Variants in MNAT1 observed in about 807,000 individuals in gnomAD.
The protein encoded by MNAT1 is CDK-activating kinase assembly factor MAT1.
A neutral mutation model predicts 42.0 loss-of-function variants in MNAT1; 43 were observed. The observed-to-expected ratio is 1.02, with a 90% CI of 0.80 to 1.32. The LOEUF (loss-of-function observed/expected upper bound fraction) is 1.32, where lower values mean the gene tolerates loss of function less well. Among genes scored for constraint, MNAT1 ranks in the 40% most tolerant of loss-of-function variants. The pLI is 0.00. For missense variants in MNAT1, 306 were observed against 350.4 expected (o/e 0.87, Z 1.01); for synonymous variants, 118 against 120.0 (o/e 0.98, Z 0.11).
intron 7 of MNAT1, among the ~76,000 whole-genome samples, chr14:60,947,624 A>G (rs2036306431): frequency 6.6e-6 from 1 of 152,210 alleles, no homozygotes; most frequent in African/African-American, 2.4e-5. Flanking sequence ...CAGAGGTTGC[A>G]GTAAGTCCAG....
intron 1 of MNAT1, chr14:60,780,178 T>C: frequency 2.6e-6 from 4 of 1,516,452 alleles, no homozygotes; most frequent in Non-Finnish European, 3.7e-6. Flanking sequence ...ACCTAAATAA[T>C]GTGGTGGAAC....
chr14:60,968,432 G>C lies in MNAT1; in HGVS notation c.*83G>C, dbSNP rs78104565. ...ACTTATAAAATTATAGCTATGTGCA[G>C]CTGCACAACACAGTCCTTCCACTAG... On this transcript the variant is annotated 3_prime_UTR_variant, in exon 8 of 8. Transcript: ENST00000261245. The C allele has an allele frequency of 5.7e-4, 885 of 1,549,836 alleles. 5 individuals are homozygous for C. The African/African-American group carries it at 0.011, about 19-fold the overall frequency.
chr14:60,959,918 A>AT (rs2036556431), intron 7 of MNAT1, among the ~76,000 whole-genome samples: 1 of 101,822 alleles, frequency 9.8e-6, no homozygotes, highest in East Asian at 3.5e-4. Flanking sequence ...CTTGGTTTTT[A>AT]TGTTTTTTTT....
At chr14:60,913,737 A>AC (rs1386650039) in intron 7 of MNAT1, among the ~76,000 whole-genome samples, 1 of 152,036 alleles carries the variant, frequency 6.6e-6, no homozygotes, top group African/African-American at 2.4e-5. Context: ...GTCTGCCCCT[A>AC]CTGGGGGGTA....
At chr14:60,943,993 C>G (rs925697793) in intron 7 of MNAT1, among the ~76,000 whole-genome samples, 6 of 152,196 alleles carry the variant, frequency 3.9e-5, no homozygotes, top group Non-Finnish European at 7.3e-5. Flanking sequence ...AGGTTTCTAA[C>G]TAGAACTGCA....
intron 1 of MNAT1, among the ~76,000 whole-genome samples, chr14:60,764,401 T>G (rs2030728953): frequency 6.6e-6 from 1 of 152,234 alleles, no homozygotes; most frequent in African/African-American, 2.4e-5. Flanking sequence ...TACCAGTGAC[T>G]GTTTTTGTCT....
chr14:60,930,206 T>TTATTA lies in MNAT1; in HGVS notation c.810-38022_810-38021insATTAT, dbSNP rs1555336831. On this transcript the variant is annotated intron_variant, in intron 7 of 7. Coordinates refer to ENST00000261245, the MANE Select transcript of MNAT1 (RefSeq NM_002431.4). ...TATTACTAAAGATTCTTCTTCCGTC[T>TTATTA]TTATTATTATTATTATTATTATTAT... is the stretch of plus-strand genomic sequence containing the variant. Among the ~76,000 whole-genome samples, 357 of 138,742 alleles carry TTATTA rather than the reference T, an allele frequency of 2.6e-3. 2 individuals are homozygous for TTATTA. The highest frequency in any genetic ancestry group is 9.1e-3 in the African/African-American group (344 of 37,946). The allele number at this position is 138,742 out of a possible 152,430, so 91.0% of individuals were successfully genotyped here. A position where few individuals can be genotyped will look rare whatever the true frequency, so the allele number is the denominator to read the frequency against.
intron 1 of MNAT1, among the ~76,000 whole-genome samples, chr14:60,757,295 T>C (rs2140297388): frequency 6.6e-6 from 1 of 152,290 alleles, no homozygotes; most frequent in Admixed American, 6.5e-5. Flanking sequence ...TGGTGATAAT[T>C]CCAAGTTATA....
intron 3 of MNAT1, among the ~76,000 whole-genome samples, chr14:60,805,069 G>T (rs891064766): frequency 4.6e-5 from 7 of 152,040 alleles, no homozygotes; most frequent in East Asian, 1.9e-4. Flanking sequence ...TTCCTCCTTT[G>T]CCATGTTCAA....
At chr14:60,875,787 GT>G (rs1362737268) in intron 6 of MNAT1, among the ~76,000 whole-genome samples, 1 of 151,948 alleles carries the variant, frequency 6.6e-6, no homozygotes, top group Non-Finnish European at 1.5e-5. Flanking sequence ...ATTAGTTTTA[GT>G]ATGTTGTTTT....
intron 1 of MNAT1, among the ~76,000 whole-genome samples, chr14:60,758,080 T>C (rs565645616): frequency 6.6e-6 from 1 of 152,188 alleles, no homozygotes; most frequent in Non-Finnish European, 1.5e-5. Flanking sequence ...GGTCATACTA[T>C]ATGTACTAGG....
chr14:60,893,040 T>A (rs115425749), intron 7 of MNAT1, among the ~76,000 whole-genome samples: 350 of 152,216 alleles, frequency 2.3e-3, no homozygotes, highest in African/African-American at 7.9e-3. Context: ...CTAATTTTTT[T>A]AAAAAAGATA....
intron 1 of MNAT1, among the ~76,000 whole-genome samples, chr14:60,774,592 G>C (rs965916216): frequency 5.9e-5 from 9 of 152,220 alleles, no homozygotes; most frequent in African/African-American, 2.2e-4. Flanking sequence ...TTGGGGATAA[G>C]TAGTCGAAGT....
intron 1 of MNAT1, among the ~76,000 whole-genome samples, chr14:60,754,715 A>T (rs189309268): frequency 1.1e-3 from 168 of 152,320 alleles, no homozygotes; most frequent in African/African-American, 3.5e-3. Flanking sequence ...GCTTTTGTTC[A>T]GAGGCATATG....
At chr14:60,755,325 G>A (rs1566752780) in intron 1 of MNAT1, among the ~76,000 whole-genome samples, 2 of 152,158 alleles carry the variant, frequency 1.3e-5, no homozygotes, top group Admixed American at 6.5e-5. Flanking sequence ...TGTATTTTTA[G>A]TGGAGACGGG....
chr14:60,887,679 C>T (rs566611382), intron 7 of MNAT1, among the ~76,000 whole-genome samples: 1 of 151,436 alleles, frequency 6.6e-6, no homozygotes, highest in Non-Finnish European at 1.5e-5. Context: ...TGAAAGGATC[C>T]ACAAAATTGA....
chr14:60,878,769 A>G (rs548508265), intron 6 of MNAT1, among the ~76,000 whole-genome samples: 58 of 152,188 alleles, frequency 3.8e-4, no homozygotes, highest in South Asian at 2.3e-3. Context: ...TTTTGTCTTC[A>G]GTACTGGTAA....
At chr14:60,800,595 A>G (rs1594762899) in intron 3 of MNAT1, among the ~76,000 whole-genome samples, 1 of 152,170 alleles carries the variant, frequency 6.6e-6, no homozygotes, top group East Asian at 1.9e-4. Context: ...GTTATGGCCT[A>G]TATAAGGAAG....
intron 7 of MNAT1, among the ~76,000 whole-genome samples, chr14:60,931,901 T>A (rs1003757200): frequency 2.6e-5 from 4 of 152,050 alleles, no homozygotes; most frequent in Non-Finnish European, 5.9e-5. Flanking sequence ...CCTTAGATAC[T>A]GAGCCTACTT....
Sources: gnomAD v4.1 joint callset for allele counts (sites outside exome capture counted in the v4.1 genomes callset) on GRCh38, gnomAD v4.1.1 for gene constraint, MANE v1.5 for transcripts, NCBI Gene and HGNC (gene_info 2026-07-23, HGNC 2026-07-21) for gene names.